SLC29A3: variants seen among roughly 807,000 people sequenced by gnomAD.
SLC29A3 encodes the protein equilibrative nucleoside transporter 3.
Under a neutral mutation model 25.4 loss-of-function variants are expected in SLC29A3, and 18 were observed. The ratio of observed to expected loss-of-function variants is 0.71; its 90% CI spans 0.49 to 1.05. The LOEUF is 1.05. SLC29A3 is among the 50% of genes least tolerant of loss of function. SLC29A3 has a pLI of 0.00. For missense variants in SLC29A3, 586 were observed against 609.0 expected, an observed-to-expected ratio of 0.96 and a Z score of 0.40; for synonymous variants, 258 against 267.1, an observed-to-expected ratio of 0.97 and a Z score of 0.33.
At chr10:71,331,272 G>T (rs536811452) in intron 2 of SLC29A3, among the ~76,000 whole-genome samples, 4 of 152,284 alleles carry the variant, frequency 2.6e-5, no homozygotes, top group African/African-American at 9.6e-5. Flanking sequence ...CAGGTTCATG[G>T]TGACCTTGGG....
chr10:71,353,219 T>C (rs1034867557), intron 4 of SLC29A3, among the ~76,000 whole-genome samples: 1 of 152,342 alleles, frequency 6.6e-6, no homozygotes, highest in Non-Finnish European at 1.5e-5. Flanking sequence ...AGATTAGGCT[T>C]CTGGCTGTAT....
In SLC29A3 at chr10:71,348,986, T is replaced by A. The variant is rs575895827; in HGVS notation, c.384-2576T>A. 5.3e-5 allele frequency among the ~76,000 whole-genome samples: 8 copies of A among 152,236 alleles called. No homozygotes were observed. The East Asian group carries it at 1.5e-3, about 29-fold the overall frequency. ...GATCTTGGAGAGCCAGTGTGGAGCA[T>A]GGCTGAGCAGGAGGGAGCTGGGGTA... On this transcript the variant is annotated intron_variant, in intron 3 of 5. Transcript: ENST00000373189.
intron 3 of SLC29A3, among the ~76,000 whole-genome samples, chr10:71,344,765 C>T (rs1394890488): frequency 6.6e-6 from 1 of 152,222 alleles, no homozygotes; most frequent in Non-Finnish European, 1.5e-5. Flanking sequence ...AGGAGTTATT[C>T]AGGAGCTAGC....
intron 2 of SLC29A3, among the ~76,000 whole-genome samples, chr10:71,327,014 C>T (rs1473943433): frequency 2.6e-5 from 4 of 152,206 alleles, no homozygotes; most frequent in South Asian, 2.1e-4. Context: ...AGAGGCTGCC[C>T]GTCTGCCCTG....
chr10:71,338,049 C>T (rs1396691742), intron 2 of SLC29A3, among the ~76,000 whole-genome samples: 1 of 152,274 alleles, frequency 6.6e-6, no homozygotes, highest in Non-Finnish European at 1.5e-5. Context: ...CATTCACCCA[C>T]CATATGGGGG....
intron 2 of SLC29A3, among the ~76,000 whole-genome samples, chr10:71,333,688 G>C (rs1564529175): frequency 6.6e-6 from 1 of 152,232 alleles, no homozygotes; most frequent in Non-Finnish European, 1.5e-5. Flanking sequence ...AGAGTAGGTG[G>C]GGTGTTTTCT....
intron 2 of SLC29A3, among the ~76,000 whole-genome samples, chr10:71,326,326 G>A (rs1845964585): frequency 6.6e-6 from 1 of 152,170 alleles, no homozygotes; most frequent in African/African-American, 2.4e-5. Flanking sequence ...CTTAGGACAG[G>A]GCCTGGCACC....
chr10:71,362,667 G>C lies in SLC29A3; in HGVS notation c.*59G>C, dbSNP rs1427378352. 3.1e-6 allele frequency: 5 copies of C among 1,608,050 alleles called. No homozygotes were observed. The highest frequency in any genetic ancestry group is 1.7e-4 in the Middle Eastern group (1 of 6,016). Reference sequence around the variant, plus strand: ...CCTTTGAAGATGAGAAGAGAGTGCAGGAGGGCTGGGGGCCATGGAGGAAAG... The same window carrying C: ...CCTTTGAAGATGAGAAGAGAGTGCACGAGGGCTGGGGGCCATGGAGGAAAG... On this transcript the variant is annotated 3_prime_UTR_variant, in exon 6 of 6. Transcript: ENST00000373189.
At chr10:71,340,205 T>A (rs541688764) in intron 2 of SLC29A3, among the ~76,000 whole-genome samples, 1 of 152,352 alleles carries the variant, frequency 6.6e-6, no homozygotes, top group Non-Finnish European at 1.5e-5. Flanking sequence ...CAGCCCTGCC[T>A]TCTTGCTGAG....
chr10:71,324,136 T>C (rs4348816), intron 2 of SLC29A3, among the ~76,000 whole-genome samples: 71,916 of 151,926 alleles, frequency 0.47, 17,942 homozygotes, highest in African/African-American at 0.65. Flanking sequence ...GAAGAGGAGA[T>C]GGGGATTTAT....
At chr10:71,326,380 T>C (rs1478753069) in intron 2 of SLC29A3, among the ~76,000 whole-genome samples, 3 of 152,222 alleles carry the variant, frequency 2.0e-5, no homozygotes, top group Non-Finnish European at 4.4e-5. Context: ...TGATGATCAT[T>C]TGAGGGATGG....
At chr10:71,378,976 C>G (rs575499337) in intron 4 of SLC29A3, among the ~76,000 whole-genome samples, 1 of 152,314 alleles carries the variant, frequency 6.6e-6, no homozygotes, top group African/African-American at 2.4e-5. Flanking sequence ...GGTGTCATTG[C>G]CCAGTGAGGA....
intron 2 of SLC29A3, among the ~76,000 whole-genome samples, chr10:71,330,887 A>G (rs577651625): frequency 1.3e-5 from 2 of 151,956 alleles, no homozygotes; most frequent in African/African-American, 4.8e-5. Context: ...GCCCAAAGAC[A>G]TAGGTTTATT....
At chr10:71,344,145 C>A in intron 2 of SLC29A3, 64 bp from the exon 3 acceptor site, 1 of 1,289,570 alleles carries the variant, frequency 7.8e-7, no homozygotes, top group Non-Finnish European at 1.1e-6. Flanking sequence ...TGTCTCTGCT[C>A]GCGTGGAACT....
chr10:71,358,458 C>T (rs893699768), intron 5 of SLC29A3, among the ~76,000 whole-genome samples: 11 of 152,202 alleles, frequency 7.2e-5, no homozygotes, highest in Non-Finnish European at 1.5e-4. Flanking sequence ...CAGTCCTCCC[C>T]GCCCCTTCAG....
chr10:71,346,774 C>T (rs966440253), intron 3 of SLC29A3, among the ~76,000 whole-genome samples: 6 of 152,186 alleles, frequency 3.9e-5, no homozygotes. Context: ...ATCCTAGTTC[C>T]CCAGCTTTGC....
chr10:71,361,916 G>A (rs1395266614), intron 5 of SLC29A3, 38 bp from the exon 6 acceptor site: 1 of 1,612,344 alleles, frequency 6.2e-7, no homozygotes, highest in South Asian at 1.1e-5. Flanking sequence ...CAGATCCCAA[G>A]CAACCTGCTT....
chr10:71,377,440 C>A (rs933585287), intron 4 of SLC29A3, among the ~76,000 whole-genome samples: 1 of 152,246 alleles, frequency 6.6e-6, no homozygotes, highest in African/African-American at 2.4e-5. Context: ...CCCCGCTGGC[C>A]TCTGGCAGGC....
chr10:71,344,332 C>A (rs1463479041), intron 3 of SLC29A3, 41 bp downstream of exon 3: 2 of 1,452,970 alleles, frequency 1.4e-6, no homozygotes, highest in Non-Finnish European at 1.9e-6. Flanking sequence ...CTGCCTTGGT[C>A]TCCTGCCTCC....
Sources: allele counts gnomAD v4.1 joint callset (sites outside exome capture counted in the v4.1 genomes callset), GRCh38; gene constraint gnomAD v4.1.1; transcripts MANE v1.5; gene names NCBI Gene and HGNC (gene_info 2026-07-23, HGNC 2026-07-21).